CTNNA3: variants seen among roughly 807,000 people sequenced by gnomAD.
CTNNA3 encodes the protein catenin alpha-3.
Under a neutral mutation model 95.7 loss-of-function variants are expected in CTNNA3, and 76 were observed. The ratio of observed to expected loss-of-function variants is 0.79; its 90% CI spans 0.66 to 0.96. CTNNA3 has a LOEUF of 0.96. Among genes scored for constraint, CTNNA3 ranks in the 40% least tolerant of loss-of-function variants. CTNNA3 has a pLI of 0.00. For synonymous variants in CTNNA3, 431 were observed against 374.4 expected (o/e 1.15, Z -1.74); for missense variants, 1,191 against 1,089.8 (o/e 1.09, Z -1.31).
intron 6 of CTNNA3, among the ~76,000 whole-genome samples, chr10:67,186,418 C>T (rs1296614026): frequency 6.6e-6 from 1 of 152,184 alleles, no homozygotes; most frequent in Non-Finnish European, 1.5e-5. Flanking sequence ...ACTTTTAAGA[C>T]TTCCGATTCT....
intron 5 of CTNNA3, among the ~76,000 whole-genome samples, chr10:67,453,060 A>C (rs1260617406): frequency 1.4e-4 from 21 of 152,248 alleles, no homozygotes. Context: ...CCATGTTACC[A>C]GATAGAGACG....
intron 3 of CTNNA3, among the ~76,000 whole-genome samples, chr10:67,561,774 C>G (rs535312526): frequency 6.6e-6 from 1 of 152,040 alleles, no homozygotes; most frequent in Non-Finnish European, 1.5e-5. Context: ...AGAGAAGAAT[C>G]AAACAGATCC....
chr10:66,497,019 T>C (rs1840121813), intron 11 of CTNNA3, among the ~76,000 whole-genome samples: 1 of 152,158 alleles, frequency 6.6e-6, no homozygotes, highest in Non-Finnish European at 1.5e-5. Flanking sequence ...TAATTCCCTC[T>C]TCTTGCAAGG....
intron 15 of CTNNA3, among the ~76,000 whole-genome samples, chr10:66,001,338 G>A (rs2078766283): frequency 6.6e-6 from 1 of 152,048 alleles, no homozygotes; most frequent in Admixed American, 6.6e-5. Flanking sequence ...CATGCTACAT[G>A]GGAGATTGCA....
At chr10:66,131,669 C>A (rs1286744051) in intron 13 of CTNNA3, among the ~76,000 whole-genome samples, 1 of 152,020 alleles carries the variant, frequency 6.6e-6, no homozygotes, top group South Asian at 2.1e-4. Context: ...ACTATGGTAA[C>A]AAAAACAGCA....
chr10:66,445,140 C>A (rs1341981318), intron 11 of CTNNA3, among the ~76,000 whole-genome samples: 8 of 151,878 alleles, frequency 5.3e-5, no homozygotes, highest in Non-Finnish European at 2.9e-5. Flanking sequence ...AATATACATG[C>A]ACCCAATACA....
chr10:66,223,085 C>T (rs1306801484), intron 13 of CTNNA3, among the ~76,000 whole-genome samples: 1 of 151,958 alleles, frequency 6.6e-6, no homozygotes, highest in Non-Finnish European at 1.5e-5. Flanking sequence ...AAACAGAAAA[C>T]CTTAACAAAA....
chr10:66,932,899 G>A lies in CTNNA3; in HGVS notation c.1048-157375C>T, dbSNP rs560879509. Among the ~76,000 whole-genome samples, 24 of 152,184 alleles carry A rather than the reference G, an allele frequency of 1.6e-4. No individual in the cohort carries two copies. The South Asian group carries it at 4.8e-3, about 30-fold the overall frequency. ...ATCACAGCCAGGCATGGTAGAATAC[G>A]GGCCTTAGAAATTAAGACCTAAATT... On this transcript the variant is annotated intron_variant, in intron 7 of 17. Coordinates refer to ENST00000433211, the MANE Select transcript of CTNNA3 (RefSeq NM_013266.4).
chr10:67,267,567 C>T (rs1373537042), intron 5 of CTNNA3, among the ~76,000 whole-genome samples: 3 of 152,122 alleles, frequency 2.0e-5, no homozygotes, highest in East Asian at 3.9e-4. Context: ...GGGGTTTCAC[C>T]GTGTTAGCCA....
At chr10:66,410,216 C>G (rs898832845) in intron 11 of CTNNA3, among the ~76,000 whole-genome samples, 3 of 152,122 alleles carry the variant, frequency 2.0e-5, no homozygotes, top group African/African-American at 7.2e-5. Context: ...TAAAAAAGAT[C>G]AGCCTTGACC....
chr10:66,287,972 G>T (rs954826369), intron 12 of CTNNA3, among the ~76,000 whole-genome samples: 15 of 151,808 alleles, frequency 9.9e-5, no homozygotes, highest in Non-Finnish European at 1.5e-5. Flanking sequence ...GAGAGCCAGG[G>T]TTCTCACTAT....
At chr10:67,360,483 C>T (rs1456666847) in intron 5 of CTNNA3, among the ~76,000 whole-genome samples, 1 of 150,790 alleles carries the variant, frequency 6.6e-6, no homozygotes, top group Non-Finnish European at 1.5e-5. Flanking sequence ...CACATAACAG[C>T]CATAGGGGCA....
At chr10:66,913,265 A>AAAAG (rs375522573) in intron 7 of CTNNA3, among the ~76,000 whole-genome samples, 7 of 141,242 alleles carry the variant, frequency 5.0e-5, no homozygotes, top group Non-Finnish European at 1.1e-4. Flanking sequence ...AAAAAAAAAA[A>AAAAG]GAAAAAGAAA....
chr10:67,532,305 A>G (rs1840352663), intron 4 of CTNNA3, among the ~76,000 whole-genome samples: 1 of 152,216 alleles, frequency 6.6e-6, no homozygotes, highest in Non-Finnish European at 1.5e-5. Context: ...AAAAGGCTTT[A>G]GAAAATCTTT....
intron 9 of CTNNA3, among the ~76,000 whole-genome samples, chr10:66,740,487 G>C (rs1849293890): frequency 6.6e-6 from 1 of 152,054 alleles, no homozygotes. Flanking sequence ...TTCATGCATT[G>C]AATTAGTCCC....
intron 9 of CTNNA3, among the ~76,000 whole-genome samples, chr10:66,633,610 G>A (rs1845229924): frequency 6.6e-6 from 1 of 151,970 alleles, no homozygotes; most frequent in African/African-American, 2.4e-5. Flanking sequence ...AACCCAGAAG[G>A]CAGAGCTTGC....
intron 10 of CTNNA3, among the ~76,000 whole-genome samples, chr10:66,578,156 A>G (rs1234567014): frequency 6.6e-6 from 1 of 151,932 alleles, no homozygotes; most frequent in Non-Finnish European, 1.5e-5. Context: ...AATGCTACTG[A>G]TTTTTACTCA....
Position 67,539,643 on chromosome 10 carries a change from T to C in CTNNA3, c.319A>G (p.Arg107Gly), listed in dbSNP as rs1485989712. The C allele has an allele frequency of 6.2e-7, 1 of 1,613,666 alleles. No individual in the cohort carries two copies. Reference protein sequence around the residue: ...ESEALKVSAERFTDDPCFLPK... With the variant: ...ESEALKVSAEGFTDDPCFLPK... ...AGAAAACAGGGGTCATCTGTAAATC[T>C]CTCAGCTGATACTTTCAGAGCTTCA... Residue 107 changes from arginine (R) to glycine (G), a missense_variant, in exon 4 of 18, where the codon AGA becomes GGA. Transcript: ENST00000433211.
intron 16 of CTNNA3, among the ~76,000 whole-genome samples, chr10:65,977,608 T>C (rs1589206292): frequency 6.6e-6 from 1 of 151,750 alleles, no homozygotes; most frequent in Non-Finnish European, 1.5e-5. Context: ...TGGTGAAACC[T>C]CATCTCTACT....
Sources: allele counts gnomAD v4.1 joint callset (sites outside exome capture counted in the v4.1 genomes callset), GRCh38; gene constraint gnomAD v4.1.1; transcripts MANE v1.5; gene names NCBI Gene and HGNC (gene_info 2026-07-23, HGNC 2026-07-21).